SYCE1L: variants seen among roughly 807,000 people sequenced by gnomAD.
The protein encoded by SYCE1L is synaptonemal complex central element protein 1 like, also known as synaptonemal complex central element protein 1-like.
Under a neutral mutation model 39.6 loss-of-function variants are expected in SYCE1L, and 51 were observed. That is an observed-to-expected ratio of 1.29 (90% CI 1.03 to 1.63). SYCE1L has a LOEUF of 1.63. Ranked by LOEUF, SYCE1L falls within the 40% of genes most tolerant of loss-of-function variation. The pLI, the probability that SYCE1L is intolerant of heterozygous loss-of-function variation, is 0.00. For synonymous variants in SYCE1L, 147 were observed against 122.4 expected (o/e 1.20, Z -1.33); for missense variants, 426 against 304.9 (o/e 1.40, Z -2.96).
chr16:77,206,282 C>A (rs2054785046), intron 1 of SYCE1L, among the ~76,000 whole-genome samples, 159 bp from the exon 2 acceptor site: 2 of 152,128 alleles, frequency 1.3e-5, no homozygotes, highest in African/African-American at 4.8e-5. Context: ...ACCTCAAGGG[C>A]AAGAGACGGG....
At position 77,212,890 on chromosome 16, in the gene SYCE1L, G is replaced by T; in HGVS notation, c.688G>T (p.Glu230Ter). ...TGAGCTCCCCCGCGCTCGCGACGAG[G>T]AGGATCCCGAGCCGCCGGTGGCTGC... ...GPELPRARDE[E>*]DPEPPVAAPD... The change falls in exon 11 of 11, where the codon GAG (glutamate) becomes TAG (stop). Residue 230 changes from glutamate (E) to a stop codon, truncating the protein, a stop_gained. Coordinates refer to ENST00000378644, the MANE Select transcript of SYCE1L (RefSeq NM_001129979.3). LOFTEE classifies it low-confidence loss of function (END_TRUNC). The T allele has an allele frequency of 6.5e-7, 1 of 1,529,920 alleles. No homozygotes were observed. The highest frequency in any genetic ancestry group is 8.8e-7 in the Non-Finnish European group (1 of 1,140,750). 94.8% of individuals were successfully genotyped at this position (1,529,920 alleles called of 1,614,324 possible).
chr16:77,205,639 C>T (rs918390488), intron 1 of SYCE1L, among the ~76,000 whole-genome samples: 9 of 152,056 alleles, frequency 5.9e-5, no homozygotes, highest in Non-Finnish European at 1.3e-4. Flanking sequence ...CCACAGTCCA[C>T]GTGATGTTGA....
intron 2 of SYCE1L, 105 bp from the exon 3 acceptor site, chr16:77,208,105 A>C: frequency 8.5e-7 from 1 of 1,180,738 alleles, no homozygotes; most frequent in Non-Finnish European, 1.2e-6. Flanking sequence ...GGCGCTCAAT[A>C]TATGCCGGTT....
intron 7 of SYCE1L, among the ~76,000 whole-genome samples, chr16:77,211,846 C>A (rs2054824836): frequency 6.6e-6 from 1 of 151,984 alleles, no homozygotes; most frequent in East Asian, 1.9e-4. Context: ...GGCCCTGGGG[C>A]TGGACGGTGC....
At chr16:77,210,315 CA>C (rs1232610371) in intron 6 of SYCE1L, among the ~76,000 whole-genome samples, 16 of 152,294 alleles carry the variant, frequency 1.1e-4, no homozygotes, top group African/African-American at 3.6e-4. Flanking sequence ...GCTGGGATTA[CA>C]GGCGTGAGCT....
rs576401397 is a variant in SYCE1L, at chr16:77,212,022, G to A, written c.424-108G>A. 9.3e-3 allele frequency: 11,382 copies of A among 1,223,320 alleles called. 73 individuals are homozygous for A. Among genetic ancestry groups the A allele is most frequent in the Non-Finnish European group, 0.01 (9,169 of 890,444 alleles). The allele number at this position is 1,223,320 out of a possible 1,614,324, so 75.8% of individuals were successfully genotyped here. A position where few individuals can be genotyped will look rare whatever the true frequency, so the allele number is the denominator to read the frequency against. On this transcript the variant is annotated intron_variant, in intron 7 of 10. Coordinates refer to ENST00000378644, the MANE Select transcript of SYCE1L (RefSeq NM_001129979.3). ...TGAGTTAATAAATAGTTGAATGAAT[G>A]AATGACCTAATGTAGGTGAAGACTT... is the stretch of plus-strand genomic sequence containing the variant.
rs1158811038 is a variant in SYCE1L at position 77,199,479 on chromosome 16, G to A, written c.28G>A (p.Val10Met). ...GGCGGGGAAGCTGAAACCTCTGAATGTGGAGGCGCCAGAAGCTACTGAGGA... is the reference window on the plus strand; with the variant it reads ...GGCGGGGAAGCTGAAACCTCTGAATATGGAGGCGCCAGAAGCTACTGAGGA... MAGKLKPLN[V>M]EAPEATEEAE... Residue 10 changes from valine (V) to methionine (M), a missense_variant, in exon 1 of 11, where the codon GTG becomes ATG. Physicochemically the swap from Val to Met is conservative, Grantham distance 21. Transcript: ENST00000378644. 6.4e-7 allele frequency: 1 copy of A among 1,551,430 alleles called. No homozygotes were observed. The highest frequency in any genetic ancestry group is 1.4e-5 in the African/African-American group (1 of 73,054).
intron 1 of SYCE1L, among the ~76,000 whole-genome samples, chr16:77,205,727 C>G (rs907300604): frequency 1.3e-5 from 2 of 151,980 alleles, no homozygotes; most frequent in Admixed American, 6.6e-5. Context: ...GATGTGGAGA[C>G]CTGATGAGAT....
rs1358368252 is a variant in SYCE1L, at chr16:77,212,524, C to T, written c.582-50C>T. On this transcript the variant is annotated intron_variant, in intron 9 of 10. Coordinates refer to ENST00000378644, the MANE Select transcript of SYCE1L (RefSeq NM_001129979.3). ...GCGTCTCGGTGGCTTCCTCCTCGTC[C>T]CCTGGACTCTCGCTCTCTTCCTCCT... The T allele has an allele frequency of 1.6e-5, 25 of 1,536,246 alleles. No homozygotes were observed. In the East Asian group the frequency reaches 4.2e-4, roughly 26 times the overall value.
At chr16:77,210,282 T>G (rs59418549) in intron 6 of SYCE1L, among the ~76,000 whole-genome samples, 47,523 of 152,058 alleles carry the variant, frequency 0.31, 7,681 homozygotes, top group Admixed American at 0.43. Flanking sequence ...TAGGTGATCC[T>G]GCCCACCTTG....
chr16:77,206,873 T>G (rs904958075), intron 2 of SYCE1L, among the ~76,000 whole-genome samples: 2 of 152,206 alleles, frequency 1.3e-5, no homozygotes, highest in Non-Finnish European at 2.9e-5. Flanking sequence ...GGAAATGCAG[T>G]TGGTTTTGCA....
chr16:77,210,164 C>T (rs115261542), intron 6 of SYCE1L, among the ~76,000 whole-genome samples: 1 of 152,158 alleles, frequency 6.6e-6, no homozygotes. Flanking sequence ...TTCATCCTCC[C>T]GAGTAGCTGA....
In SYCE1L at chr16:77,199,427, T is replaced by C; in HGVS notation, c.-25T>C. 1 of 1,551,078 alleles carries C rather than the reference T, an allele frequency of 6.4e-7. No individual in the cohort carries two copies. Among genetic ancestry groups the C allele is most frequent in the African/African-American group, 1.4e-5 (1 of 73,108 alleles). Reference sequence around the variant, plus strand: ...TTTTTAACCAGTCATCAAGCGAGGCTCGCGCGCAGGCCCCGCGTTGGAAAA... The same window carrying C: ...TTTTTAACCAGTCATCAAGCGAGGCCCGCGCGCAGGCCCCGCGTTGGAAAA... On this transcript the variant is annotated 5_prime_UTR_variant, in exon 1 of 11. Transcript: ENST00000378644.
chr16:77,209,317 A>C, intron 5 of SYCE1L, 100 bp from the exon 6 acceptor site: 1 of 1,400,084 alleles, frequency 7.1e-7, no homozygotes, highest in Non-Finnish European at 9.9e-7. Context: ...AAGTCCTCAC[A>C]GTGCCCTCCA....
chr16:77,200,193 T>C (rs929561272), intron 1 of SYCE1L: 5 of 148,588 alleles, frequency 3.4e-5, no homozygotes, highest in African/African-American at 1.2e-4. Flanking sequence ...CATATACATA[T>C]GTGTGTATGT....
At chr16:77,200,937 T>C (rs984761533) in intron 1 of SYCE1L, 4 of 152,108 alleles carry the variant, frequency 2.6e-5, no homozygotes, top group Non-Finnish European at 5.9e-5. Flanking sequence ...TGCCCCACTT[T>C]TATCTATCTC....
intron 1 of SYCE1L, chr16:77,200,029 C>T (rs1317855678): frequency 6.6e-6 from 1 of 151,340 alleles, no homozygotes; most frequent in South Asian, 2.1e-4. Flanking sequence ...TGTATTCCAT[C>T]CAAAAGAAAA....
chr16:77,210,442 G>A (rs2054814813), intron 6 of SYCE1L, among the ~76,000 whole-genome samples: 1 of 152,162 alleles, frequency 6.6e-6, no homozygotes, highest in Non-Finnish European at 1.5e-5. Context: ...GCTAATGTGT[G>A]ATACTCAACC....
chr16:77,209,339 G>C, intron 5 of SYCE1L, 78 bp from the exon 6 acceptor site: 1 of 1,471,204 alleles, frequency 6.8e-7, no homozygotes, highest in African/African-American at 1.4e-5. Flanking sequence ...TGCCTGACAT[G>C]ATGTGGGGCC....
Sources: gnomAD v4.1 joint callset for allele counts (sites outside exome capture counted in the v4.1 genomes callset) on GRCh38, gnomAD v4.1.1 for gene constraint, MANE v1.5 for transcripts, NCBI Gene and HGNC (gene_info 2026-07-23, HGNC 2026-07-21) for gene names.